Variants in SLC25A21 observed in about 807,000 individuals in gnomAD.
The protein encoded by SLC25A21 is solute carrier family 25 member 21, also known as mitochondrial 2-oxodicarboxylate carrier.
SLC25A21 carries 47 observed loss-of-function variants against 43.8 expected under a neutral mutation model. The observed-to-expected ratio is 1.07, with a 90% CI of 0.85 to 1.37. The LOEUF (loss-of-function observed/expected upper bound fraction) is 1.37, where lower values mean the gene tolerates loss of function less well. SLC25A21 is among the 40% of genes most tolerant of loss of function. The pLI is 0.00. For missense variants in SLC25A21, 352 were observed against 350.2 expected (o/e 1.00, Z -0.04); for synonymous variants, 131 against 121.3 (o/e 1.08, Z -0.52).
chr14:37,058,938 C>T (rs1260972594), intron 1 of SLC25A21, among the ~76,000 whole-genome samples: 2 of 152,176 alleles, frequency 1.3e-5, no homozygotes, highest in East Asian at 3.9e-4. Context: ...TCAAACTCCT[C>T]CCTTAAGAAA....
chr14:37,108,278 A>G (rs918070670), intron 1 of SLC25A21, among the ~76,000 whole-genome samples: 1 of 152,168 alleles, frequency 6.6e-6, no homozygotes. Flanking sequence ...TACATTTGCT[A>G]ATGAATTCAT....
intron 6 of SLC25A21, among the ~76,000 whole-genome samples, chr14:36,719,247 T>C (rs1185185570): frequency 1.3e-5 from 2 of 152,150 alleles, no homozygotes; most frequent in Non-Finnish European, 2.9e-5. Context: ...CTTATAAATA[T>C]ACAGATAAAA....
At chr14:36,688,634 T>C (rs1264005440) in intron 7 of SLC25A21, among the ~76,000 whole-genome samples, 5 of 152,170 alleles carry the variant, frequency 3.3e-5, no homozygotes, top group Admixed American at 3.3e-4. Flanking sequence ...TTTCCAGCCT[T>C]TCTCTTGGCC....
intron 1 of SLC25A21, among the ~76,000 whole-genome samples, chr14:37,139,220 T>A (rs1464555193): frequency 6.6e-6 from 1 of 152,090 alleles, no homozygotes; most frequent in Non-Finnish European, 1.5e-5. Flanking sequence ...CTCCAATATA[T>A]CACTGGGGAT....
intron 1 of SLC25A21, among the ~76,000 whole-genome samples, chr14:37,084,991 T>C (rs561046123): frequency 1.3e-5 from 2 of 152,334 alleles, no homozygotes; most frequent in African/African-American, 4.8e-5. Flanking sequence ...ACACATGAGG[T>C]TCAATAAATT....
At chr14:36,844,381 G>T (rs980954066) in intron 2 of SLC25A21, among the ~76,000 whole-genome samples, 6 of 152,128 alleles carry the variant, frequency 3.9e-5, no homozygotes, top group African/African-American at 1.4e-4. Flanking sequence ...CCCTGCCCTT[G>T]CTGGAAGCTG....
intron 3 of SLC25A21, among the ~76,000 whole-genome samples, chr14:36,759,948 CAG>C (rs1426733786): frequency 1.3e-5 from 2 of 152,056 alleles, no homozygotes; most frequent in Non-Finnish European, 2.9e-5. Flanking sequence ...AGCCTGGTGA[CAG>C]AGCAAGACTC....
chr14:36,920,838 A>T (rs767658509), intron 1 of SLC25A21, among the ~76,000 whole-genome samples: 3 of 152,144 alleles, frequency 2.0e-5, no homozygotes, highest in South Asian at 2.1e-4. Context: ...AATTTCACAT[A>T]TCTTACGGGC....
At chr14:37,077,539 T>C (rs940329738) in intron 1 of SLC25A21, among the ~76,000 whole-genome samples, 1 of 152,014 alleles carries the variant, frequency 6.6e-6, no homozygotes, top group Non-Finnish European at 1.5e-5. Context: ...GAAAGACACC[T>C]CAAAAGAAAG....
At chr14:37,115,253 G>A (rs192376848) in intron 1 of SLC25A21, among the ~76,000 whole-genome samples, 11 of 152,266 alleles carry the variant, frequency 7.2e-5, no homozygotes, top group African/African-American at 2.6e-4. Context: ...CACCGCCAAG[G>A]TCCCACTGAA....
Position 36,816,455 on chromosome 14 carries a change from T to C in SLC25A21, c.120-2454A>G, listed in dbSNP as rs1215878734. 2.0e-5 allele frequency among the ~76,000 whole-genome samples: 3 copies of C among 151,768 alleles called. No individual in the cohort carries two copies. The East Asian group carries it at 5.8e-4, about 29-fold the overall frequency. On this transcript the variant is annotated intron_variant, in intron 2 of 9. Coordinates refer to ENST00000331299, the MANE Select transcript of SLC25A21 (RefSeq NM_030631.4). ...GGCAAGCTTGTTGGGTAGTCCTTTT[T>C]CTCCTTAATTTTTAAAAATGACACA...
intron 1 of SLC25A21, among the ~76,000 whole-genome samples, chr14:36,964,583 G>A (rs943999633): frequency 2.0e-5 from 3 of 152,210 alleles, no homozygotes; most frequent in African/African-American, 7.2e-5. Flanking sequence ...ACTAATGTGC[G>A]TAAAGTTCTT....
At chr14:36,963,256 A>C (rs536928921) in intron 1 of SLC25A21, among the ~76,000 whole-genome samples, 124 of 152,232 alleles carry the variant, frequency 8.1e-4, no homozygotes, top group African/African-American at 2.9e-3. Flanking sequence ...GTATTTTTTA[A>C]ATTTCCCCCC....
chr14:36,937,553 T>C (rs963579724), intron 1 of SLC25A21, among the ~76,000 whole-genome samples: 1 of 152,178 alleles, frequency 6.6e-6, no homozygotes, highest in South Asian at 2.1e-4. Flanking sequence ...CAAAACCTAC[T>C]GTGTGCCTGG....
At chr14:36,914,475 T>C (rs1224215284) in intron 1 of SLC25A21, among the ~76,000 whole-genome samples, 1 of 152,212 alleles carries the variant, frequency 6.6e-6, no homozygotes, top group African/African-American at 2.4e-5. Context: ...TTCAGGAGAC[T>C]TTTGTATTTT....
intron 1 of SLC25A21, among the ~76,000 whole-genome samples, chr14:37,104,002 C>A (rs2138867884): frequency 6.6e-6 from 1 of 152,282 alleles, no homozygotes; most frequent in East Asian, 1.9e-4. Flanking sequence ...CTGTGCTTCC[C>A]ACGGCTCGTG....
intron 1 of SLC25A21, among the ~76,000 whole-genome samples, chr14:37,158,743 C>A (rs66602812): frequency 2.0e-5 from 3 of 151,732 alleles, no homozygotes; most frequent in African/African-American, 4.8e-5. Flanking sequence ...AGCAATCAGC[C>A]AAGAGAAAGA....
At chr14:37,028,664 A>T (rs1961143537) in intron 1 of SLC25A21, among the ~76,000 whole-genome samples, 1 of 152,200 alleles carries the variant, frequency 6.6e-6, no homozygotes, top group South Asian at 2.1e-4. Flanking sequence ...AAATAACATT[A>T]AAGTATTTTT....
intron 1 of SLC25A21, among the ~76,000 whole-genome samples, chr14:36,895,836 A>G (rs1040225009): frequency 6.6e-6 from 1 of 152,076 alleles, no homozygotes; most frequent in African/African-American, 2.4e-5. Context: ...CAGTTTCCAT[A>G]TAGTTGTGCG....
Sources: allele counts gnomAD v4.1 joint callset (sites outside exome capture counted in the v4.1 genomes callset), GRCh38; gene constraint gnomAD v4.1.1; transcripts MANE v1.5; gene names NCBI Gene and HGNC (gene_info 2026-07-23, HGNC 2026-07-21).